SLC44A5: variants seen among roughly 807,000 people sequenced by gnomAD.
The protein encoded by SLC44A5 is choline transporter-like protein 5.
Under a neutral mutation model 101.8 loss-of-function variants are expected in SLC44A5, and 57 were observed. The ratio of observed to expected loss-of-function variants is 0.56; its 90% confidence interval spans 0.45 to 0.70. The LOEUF is 0.70. Ranked by LOEUF, SLC44A5 falls within the 30% of genes least tolerant of loss-of-function variation. SLC44A5 has a pLI of 0.00. For synonymous variants in SLC44A5, 281 were observed against 290.9 expected (o/e 0.97, Z 0.35); for missense variants, 737 against 853.1 (o/e 0.86, Z 1.70).
chr1:75,682,721 A>G, the SLC44A5 span, among the ~76,000 whole-genome samples: 4 of 150,606 alleles, frequency 2.7e-5, no homozygotes, highest in Non-Finnish European at 4.5e-5. Context: ...TAAAACACCA[A>G]AAGCAATGGC....
At chr1:75,339,732 G>T in intron 3 of SLC44A5, 102 bp from the exon 4 acceptor site, 1 of 915,540 alleles carries the variant, frequency 1.1e-6, no homozygotes. Context: ...CCACTGCTCA[G>T]TGCAGTGATG....
At chr1:75,369,179 A>AT (rs887315452) in intron 3 of SLC44A5, among the ~76,000 whole-genome samples, 1,776 of 146,762 alleles carry the variant, frequency 0.012, 37 homozygotes, top group African/African-American at 0.041. Flanking sequence ...ACACTTGGCT[A>AT]TTTTTTTTTT....
At chr1:75,671,340 G>C in the SLC44A5 span, among the ~76,000 whole-genome samples, 1 of 152,070 alleles carries the variant, frequency 6.6e-6, no homozygotes. Context: ...ACCATAGGAG[G>C]AGCAGTCTCT....
intron 2 of SLC44A5, among the ~76,000 whole-genome samples, chr1:75,503,136 A>G (rs951197631): frequency 3.9e-5 from 6 of 152,188 alleles, no homozygotes; most frequent in African/African-American, 1.4e-4. Flanking sequence ...ATTCCTGTAT[A>G]GTTTCACTTT....
the SLC44A5 span, among the ~76,000 whole-genome samples, chr1:75,628,001 C>G: frequency 2.6e-5 from 4 of 151,052 alleles, no homozygotes; most frequent in African/African-American, 9.7e-5. Flanking sequence ...ATAGGTCTTA[C>G]AGCTAGTACG....
intron 2 of SLC44A5, among the ~76,000 whole-genome samples, chr1:75,452,111 G>T (rs1665940459): frequency 6.6e-6 from 1 of 152,074 alleles, no homozygotes; most frequent in African/African-American, 2.4e-5. Flanking sequence ...GACTGTCAAA[G>T]GTCAATGCTA....
intron 1 of SLC44A5, among the ~76,000 whole-genome samples, chr1:75,590,509 A>G (rs963872389): frequency 5.3e-5 from 8 of 152,234 alleles, no homozygotes; most frequent in South Asian, 2.1e-4. Context: ...GGGGTCCCCA[A>G]TTCCAGGACT....
chr1:75,234,029 G>A lies in SLC44A5; in HGVS notation c.810C>T (p.Leu270=), dbSNP rs751275031. Residue 270 remains leucine (L), a synonymous_variant, in exon 12 of 24, where the codon CTC becomes CTT. Transcript: ENST00000370859. The part of the protein sequence containing the change: ...LILLRFIAGC[L]FWVFMIGVIG... ...TCACACCAATCATGAAGACCCAGAA[G>A]AGGCATCCAGCTATGAACCTCAGAA... is the stretch of plus-strand genomic sequence containing the variant. The A allele has an allele frequency of 1.9e-6, 3 of 1,613,492 alleles. No homozygotes were observed. The highest frequency in any genetic ancestry group is 1.7e-5 in the Admixed American group (1 of 59,952).
intron 1 of SLC44A5, among the ~76,000 whole-genome samples, chr1:75,584,990 C>T (rs1020764816): frequency 1.3e-5 from 2 of 152,150 alleles, no homozygotes; most frequent in African/African-American, 4.8e-5. Context: ...TAATTTTATA[C>T]ATAAATATGT....
At chr1:75,417,114 C>T (rs975228559) in intron 2 of SLC44A5, among the ~76,000 whole-genome samples, 4 of 152,154 alleles carry the variant, frequency 2.6e-5, no homozygotes, top group Admixed American at 2.6e-4. Flanking sequence ...TGTCCCCACT[C>T]TAATCTCATC....
chr1:75,484,095 T>C (rs1668023647), intron 2 of SLC44A5, among the ~76,000 whole-genome samples: 1 of 152,160 alleles, frequency 6.6e-6, no homozygotes, highest in South Asian at 2.1e-4. Flanking sequence ...GCCATATCAT[T>C]CTGTCCCTGG....
intron 2 of SLC44A5, among the ~76,000 whole-genome samples, chr1:75,410,762 A>G (rs1663222479): frequency 6.6e-6 from 1 of 152,020 alleles, no homozygotes; most frequent in African/African-American, 2.4e-5. Flanking sequence ...TGGGGGAGGG[A>G]GTTTGTAGAA....
chr1:75,647,585 G>A, the SLC44A5 span, among the ~76,000 whole-genome samples: 1 of 152,258 alleles, frequency 6.6e-6, no homozygotes, highest in East Asian at 1.9e-4. Flanking sequence ...AGCCAAGAAG[G>A]GGGCTGTACC....
the SLC44A5 span, among the ~76,000 whole-genome samples, chr1:75,682,138 A>T: frequency 6.6e-6 from 1 of 152,252 alleles, no homozygotes; most frequent in Non-Finnish European, 1.5e-5. Context: ...TTCCATGCTC[A>T]TGGGTAGGAA....
At chr1:75,655,747 C>T in the SLC44A5 span, among the ~76,000 whole-genome samples, 1 of 152,168 alleles carries the variant, frequency 6.6e-6, no homozygotes, top group Non-Finnish European at 1.5e-5. Context: ...TGGGCAGAAT[C>T]CCAAAGCCCC....
At chr1:75,596,314 C>A (rs1033135173) in intron 1 of SLC44A5, among the ~76,000 whole-genome samples, 4 of 151,696 alleles carry the variant, frequency 2.6e-5, no homozygotes, top group South Asian at 2.1e-4. Context: ...AGCCTACCAA[C>A]CAAAAAAAAG....
At chr1:75,502,281 G>A (rs913152989) in intron 2 of SLC44A5, among the ~76,000 whole-genome samples, 1 of 152,162 alleles carries the variant, frequency 6.6e-6, no homozygotes, top group Non-Finnish European at 1.5e-5. Flanking sequence ...ACAGTTCTGT[G>A]CCTGATAGAC....
chr1:75,260,513 A>T (rs778876082), intron 6 of SLC44A5, among the ~76,000 whole-genome samples: 1 of 152,162 alleles, frequency 6.6e-6, no homozygotes, highest in Non-Finnish European at 1.5e-5. Context: ...AGGAACACCC[A>T]GATTATAAAA....
chr1:75,252,552 G>A (rs976186287), intron 6 of SLC44A5, among the ~76,000 whole-genome samples: 4 of 152,194 alleles, frequency 2.6e-5, no homozygotes, highest in Admixed American at 6.5e-5. Flanking sequence ...TCCTCACTGA[G>A]GAGAGGACTA....
Sources: allele counts gnomAD v4.1 joint callset (sites outside exome capture counted in the v4.1 genomes callset), GRCh38; gene constraint gnomAD v4.1.1; transcripts MANE v1.5; gene names NCBI Gene and HGNC (gene_info 2026-07-23, HGNC 2026-07-21).